Variants in RPTOR observed in about 807,000 individuals in gnomAD.
RPTOR encodes the protein regulatory associated protein of MTOR complex 1, also known as regulatory-associated protein of mTOR.
Under a neutral mutation model 169.9 loss-of-function variants are expected in RPTOR, and 21 were observed. The ratio of observed to expected loss-of-function variants is 0.12; its 90% CI spans 0.09 to 0.18. RPTOR has a LOEUF of 0.18. Among genes scored for constraint, RPTOR ranks in the 10% least tolerant of loss-of-function variants. The probability of loss-of-function intolerance (pLI) is 1.00; values close to 1 mark genes in which losing one functional copy is unlikely to be tolerated. For missense variants in RPTOR, 1,133 were observed against 1,855.9 expected (o/e 0.61, Z 7.16); for synonymous variants, 732 against 753.2 (o/e 0.97, Z 0.46).
Position 80,955,117 on chromosome 17 carries a change from C to T in RPTOR, c.3371-2507C>T, listed in dbSNP as rs1483038551. On this transcript the variant is annotated intron_variant, in intron 28 of 33. Coordinates refer to ENST00000306801, the MANE Select transcript of RPTOR (RefSeq NM_020761.3). ...CTCATCATTGTGGAGATTGGCAGTT[C>T]TCAAATTAATCTGTGGATTTATTAA... Among the ~76,000 whole-genome samples, 4 of 143,306 alleles carry T rather than the reference C, an allele frequency of 2.8e-5. No homozygotes were observed. The East Asian group carries it at 7.7e-4, about 28-fold the overall frequency. 94.0% of individuals were successfully genotyped at this position (143,306 alleles called of 152,430 possible).
At chr17:80,825,421 C>A (rs2067431422) in intron 9 of RPTOR, among the ~76,000 whole-genome samples, 1 of 152,012 alleles carries the variant, frequency 6.6e-6, no homozygotes, top group African/African-American at 2.4e-5. Context: ...CTAGGACTGG[C>A]CCCTCAGAAG....
chr17:80,905,093 C>T (rs1219812256), intron 20 of RPTOR, among the ~76,000 whole-genome samples: 1 of 152,172 alleles, frequency 6.6e-6, no homozygotes, highest in Non-Finnish European at 1.5e-5. Flanking sequence ...ATCCCCCACA[C>T]ACATCCCCCA....
intron 1 of RPTOR, among the ~76,000 whole-genome samples, chr17:80,610,934 T>G (rs2065265957): frequency 6.6e-6 from 1 of 152,140 alleles, no homozygotes; most frequent in Non-Finnish European, 1.5e-5. Flanking sequence ...TGCAGATATA[T>G]GTGCAGTCTG....
At chr17:80,764,346 G>A (rs1427287917) in intron 6 of RPTOR, among the ~76,000 whole-genome samples, 3 of 129,662 alleles carry the variant, frequency 2.3e-5, no homozygotes, top group Admixed American at 1.9e-4. Context: ...AGAGTGTGAT[G>A]TTCCCCTTCC....
chr17:80,885,085 C>A lies in RPTOR; in HGVS notation c.1920C>A (p.Ile640=). The A allele has an allele frequency of 6.3e-7, 1 of 1,598,044 alleles. No homozygotes were observed. Among genetic ancestry groups the A allele is most frequent in the Non-Finnish European group, 8.5e-7 (1 of 1,173,378 alleles). The change falls in exon 17 of 34, where the codon ATC becomes ATA. Residue 640 remains isoleucine, a synonymous_variant. Coordinates refer to ENST00000306801, the MANE Select transcript of RPTOR (RefSeq NM_020761.3). ...AGAGGACGGACCACTCCACCACCAT[C>A]GACCACAACGTGGCCATGATGCTGG... ...SAERTDHSTT[I]DHNVAMMLAQ...
At chr17:80,759,973 A>G (rs1450951987) in intron 6 of RPTOR, among the ~76,000 whole-genome samples, 1 of 152,116 alleles carries the variant, frequency 6.6e-6, no homozygotes, top group African/African-American at 2.4e-5. Flanking sequence ...CATATCCTTA[A>G]CCCTTCGCAT....
At chr17:80,723,210 T>A (rs202043143) in intron 4 of RPTOR, among the ~76,000 whole-genome samples, 5 of 150,378 alleles carry the variant, frequency 3.3e-5, no homozygotes, top group Non-Finnish European at 5.9e-5. Context: ...AAGTTGTTAT[T>A]TTCTTTATAA....
At chr17:80,958,388 A>G (rs1376766489) in intron 29 of RPTOR, among the ~76,000 whole-genome samples, 1 of 147,978 alleles carries the variant, frequency 6.8e-6, no homozygotes, top group Non-Finnish European at 1.5e-5. Context: ...GCTACAGAAG[A>G]CAGAAGATTT....
chr17:80,950,324 A>G (rs2069158534), intron 28 of RPTOR, among the ~76,000 whole-genome samples: 1 of 151,874 alleles, frequency 6.6e-6, no homozygotes, highest in Non-Finnish European at 1.5e-5. Context: ...TGGCCTGTGG[A>G]TGTGGCCTTA....
intron 3 of RPTOR, among the ~76,000 whole-genome samples, chr17:80,655,169 T>C (rs1172755538): frequency 6.6e-6 from 1 of 152,120 alleles, no homozygotes; most frequent in Non-Finnish European, 1.5e-5. Flanking sequence ...CACTGCAGCC[T>C]CCATCTCCTG....
chr17:80,719,279 G>C (rs977685918), intron 4 of RPTOR, among the ~76,000 whole-genome samples: 1 of 152,186 alleles, frequency 6.6e-6, no homozygotes, highest in Non-Finnish European at 1.5e-5. Context: ...AAGGGTACCT[G>C]TCAGCCCGGG....
intron 24 of RPTOR, among the ~76,000 whole-genome samples, chr17:80,928,617 G>A (rs910278650): frequency 1.3e-5 from 2 of 152,294 alleles, no homozygotes; most frequent in Non-Finnish European, 1.5e-5. Flanking sequence ...GTACAGGTCC[G>A]TATGACTAGA....
chr17:80,549,277 A>G (rs763812563), intron 1 of RPTOR, among the ~76,000 whole-genome samples: 13 of 152,268 alleles, frequency 8.5e-5, no homozygotes, highest in South Asian at 2.1e-4. Context: ...TTAGCTTGCA[A>G]TTTTCAAATA....
At chr17:80,583,182 G>GTTTTTTTTTTTTTTTTTTTTTTTT (rs1166711662) in intron 1 of RPTOR, among the ~76,000 whole-genome samples, 1 of 79,266 alleles carries the variant, frequency 1.3e-5, no homozygotes, top group Non-Finnish European at 2.4e-5. Flanking sequence ...CCTCTTTCCT[G>GTTTTTTTTTTTTTTTTTTTTTTTT]TTTTTTTTTT....
chr17:80,930,197 C>CCAGCTCATCCCCAGCTCATCCT (rs2068862839), intron 24 of RPTOR, among the ~76,000 whole-genome samples: 4 of 61,102 alleles, frequency 6.5e-5, no homozygotes, highest in Non-Finnish European at 1.1e-4. Flanking sequence ...CAGCTCATGC[C>CCAGCTCATCCCCAGCTCATCCT]CAGCTCATCC....
intron 3 of RPTOR, among the ~76,000 whole-genome samples, chr17:80,649,967 C>T (rs1482573052): frequency 2.0e-5 from 3 of 152,180 alleles, no homozygotes; most frequent in African/African-American, 2.4e-5. Context: ...TTAGATTATG[C>T]GAAGCAGTTT....
At chr17:80,872,504 A>T (rs1305741957) in intron 13 of RPTOR, among the ~76,000 whole-genome samples, 1 of 152,076 alleles carries the variant, frequency 6.6e-6, no homozygotes. Flanking sequence ...CCCACCCCAG[A>T]AGAGACCAGG....
At chr17:80,772,361 A>C (rs1353030635) in intron 6 of RPTOR, among the ~76,000 whole-genome samples, 2 of 152,204 alleles carry the variant, frequency 1.3e-5, no homozygotes, top group Non-Finnish European at 2.9e-5. Context: ...CACTTGACCC[A>C]AATGGTGCTG....
intron 5 of RPTOR, among the ~76,000 whole-genome samples, chr17:80,741,074 C>G (rs2066477903): frequency 6.6e-6 from 1 of 152,182 alleles, no homozygotes; most frequent in Admixed American, 6.5e-5. Flanking sequence ...TCCTTGCACA[C>G]TGCTGGTGGG....
Sources: gnomAD v4.1 joint callset for allele counts (sites outside exome capture counted in the v4.1 genomes callset) on GRCh38, gnomAD v4.1.1 for gene constraint, MANE v1.5 for transcripts, NCBI Gene and HGNC (gene_info 2026-07-23, HGNC 2026-07-21) for gene names.